The following RBFOX1 variants were observed in gnomAD, a reference collection of about 807,000 sequenced individuals.
The protein encoded by RBFOX1 is RNA binding fox-1 homolog 1.
A neutral mutation model predicts 57.7 loss-of-function variants in RBFOX1; 8 were observed. The ratio of observed to expected loss-of-function variants is 0.14; its 90% CI spans 0.08 to 0.25. RBFOX1 has a LOEUF of 0.25. Ranked by LOEUF, RBFOX1 falls within the 10% of genes least tolerant of loss-of-function variation. RBFOX1 has a pLI of 1.00. For missense variants in RBFOX1, 611 were observed against 548.5 expected (o/e 1.11, Z -1.14); for synonymous variants, 326 against 222.4 (o/e 1.47, Z -4.15).
chr16:5,740,012 G>T (rs1334184754), intron 3 of RBFOX1, among the ~76,000 whole-genome samples: 1 of 152,214 alleles, frequency 6.6e-6, no homozygotes, highest in Admixed American at 6.5e-5. Flanking sequence ...AGTGGGAGGG[G>T]TCCATGCTGC....
At position 6,822,996 on chromosome 16, in the gene RBFOX1, G is replaced by C. The variant is rs144990167; in HGVS notation, c.-16+168346G>C. 4.1e-3 allele frequency among the ~76,000 whole-genome samples: 628 copies of C among 152,280 alleles called. 8 individuals are homozygous for C. Among genetic ancestry groups the C allele is most frequent in the African/African-American group, 0.014 (583 of 41,576 alleles). ...ATCCCTAACAGCTTCTCAACGTGTA[G>C]ATACTTTGCTTAGTACTGTATGTGC... On this transcript the variant is annotated intron_variant, in intron 3 of 15. Coordinates refer to ENST00000550418, the MANE Select transcript of RBFOX1 (RefSeq NM_018723.4).
intron 4 of RBFOX1, among the ~76,000 whole-genome samples, chr16:5,910,158 T>A (rs2058571705): frequency 6.6e-6 from 1 of 152,180 alleles, no homozygotes; most frequent in Non-Finnish European, 1.5e-5. Flanking sequence ...TGGGGGTTTG[T>A]GAAGCCTTTT....
At chr16:6,865,477 C>A (rs187702438) in intron 3 of RBFOX1, among the ~76,000 whole-genome samples, 2 of 152,070 alleles carry the variant, frequency 1.3e-5, no homozygotes, top group African/African-American at 2.4e-5. Context: ...CACCCAGGCA[C>A]CTTCTTGTTT....
chr16:5,386,724 G>A (rs1454789525), intron 1 of RBFOX1, among the ~76,000 whole-genome samples: 2 of 152,132 alleles, frequency 1.3e-5, no homozygotes, highest in African/African-American at 4.8e-5. Context: ...AGCAGGAGTT[G>A]TTGCCTCTGT....
intron 4 of RBFOX1, among the ~76,000 whole-genome samples, chr16:7,313,484 T>TC (rs1315663149): frequency 6.6e-6 from 1 of 151,040 alleles, no homozygotes; most frequent in Non-Finnish European, 1.5e-5. Context: ...TCTTTTTTTT[T>TC]TTAAGGCTCT....
intron 2 of RBFOX1, among the ~76,000 whole-genome samples, chr16:5,598,509 A>T (rs1456272159): frequency 6.6e-6 from 1 of 152,200 alleles, no homozygotes; most frequent in Non-Finnish European, 1.5e-5. Context: ...ATATATTTAC[A>T]TTTTTAAACA....
At chr16:5,454,938 CCTTCCTTCCTTCCTTCCTTCCTTT>C (rs201334960) in intron 1 of RBFOX1, among the ~76,000 whole-genome samples, 1,303 of 48,456 alleles carry the variant, frequency 0.027, 14 homozygotes, top group Middle Eastern at 0.034. Context: ...TTCCTTCCTT[CCTTCCTTCCTTCCTTCCTTCCTTT>C]CTTTCTTTCT....
At chr16:5,984,976 ATTTTTTT>A (rs869160414) in intron 4 of RBFOX1, among the ~76,000 whole-genome samples, 19 of 55,702 alleles carry the variant, frequency 3.4e-4, no homozygotes, top group African/African-American at 1.6e-3. Context: ...ATATATATAT[ATTTTTTT>A]TTTTTTTTTT....
chr16:7,305,245 C>T (rs142601882), intron 4 of RBFOX1, among the ~76,000 whole-genome samples: 13 of 152,044 alleles, frequency 8.6e-5, no homozygotes, highest in African/African-American at 3.1e-4. Context: ...ACACCTTACT[C>T]TCTGTCTTTC....
chr16:6,785,049 C>T (rs1423872040), intron 3 of RBFOX1, among the ~76,000 whole-genome samples: 5 of 152,038 alleles, frequency 3.3e-5, no homozygotes, highest in South Asian at 2.1e-4. Flanking sequence ...AGGCATTTAA[C>T]ATAAAAGAGA....
chr16:6,116,933 C>G (rs890981051), intron 1 of RBFOX1, among the ~76,000 whole-genome samples: 2 of 151,980 alleles, frequency 1.3e-5, no homozygotes, highest in Admixed American at 6.6e-5. Context: ...GCTGGAGGCT[C>G]TACAGTAAAG....
In RBFOX1 at chr16:6,222,243, G is replaced by A. The variant is rs532511909; in HGVS notation, c.-126-94752G>A. On this transcript the variant is annotated intron_variant, in intron 1 of 15. Coordinates refer to ENST00000550418, the MANE Select transcript of RBFOX1 (RefSeq NM_018723.4). The stretch of plus-strand genomic sequence containing the variant: ...TCGTGGGTCTTTGGTATTCAGGTGT[G>A]GCAAATACTGTTAATTTGTAAATCA... Among the ~76,000 whole-genome samples the A allele has an allele frequency of 3.3e-5, 5 of 152,210 alleles. No individual in the cohort carries two copies. The South Asian group carries it at 1.0e-3, about 32-fold the overall frequency.
At chr16:7,425,006 G>C (rs1322026913) in intron 4 of RBFOX1, among the ~76,000 whole-genome samples, 1 of 152,044 alleles carries the variant, frequency 6.6e-6, no homozygotes, top group East Asian at 1.9e-4. Context: ...ATACAAGTTG[G>C]CATTATTATT....
At position 7,015,151 on chromosome 16, in the gene RBFOX1, T is replaced by C. The variant is rs530044187; in HGVS notation, c.-15-36906T>C. On this transcript the variant is annotated intron_variant, in intron 3 of 15. Transcript: ENST00000550418. Reference sequence around the variant, plus strand: ...AGTTCATGTTCTCTTTTTCCTTTCTTCTTAGTCACTCTCAGTAGTCTGGAT... The same window carrying C: ...AGTTCATGTTCTCTTTTTCCTTTCTCCTTAGTCACTCTCAGTAGTCTGGAT... Among the ~76,000 whole-genome samples the C allele has an allele frequency of 1.2e-4, 18 of 152,296 alleles. No individual in the cohort carries two copies. In the East Asian group the frequency reaches 3.5e-3, roughly 29 times the overall value.
At chr16:7,473,984 C>G (rs775513953) in intron 4 of RBFOX1, among the ~76,000 whole-genome samples, 15 of 152,126 alleles carry the variant, frequency 9.9e-5, no homozygotes, top group Non-Finnish European at 1.3e-4. Context: ...TCAATATTAT[C>G]TTTTCATTAA....
In RBFOX1 at chr16:6,048,208, A is replaced by G. The variant is rs913835162; in HGVS notation, c.-127+28216A>G. On this transcript the variant is annotated intron_variant, in intron 1 of 15. Transcript: ENST00000550418. ...TACATTTGTTGAAGCTGGCTCAGGA[A>G]GGATCCTTGGCCAGGGTCAGGCAGT... 1.3e-5 allele frequency among the ~76,000 whole-genome samples: 2 copies of G among 152,200 alleles called. 1 individual carries two copies. The highest frequency in any genetic ancestry group is 4.1e-4 in the South Asian group (2 of 4,830).
intron 4 of RBFOX1, among the ~76,000 whole-genome samples, chr16:7,099,493 C>G (rs1007378408): frequency 6.6e-6 from 1 of 152,178 alleles, no homozygotes; most frequent in African/African-American, 2.4e-5. Context: ...ATATTCTTCT[C>G]TTCTCCTATT....
At chr16:6,652,986 A>G (rs1178475323) in intron 2 of RBFOX1, among the ~76,000 whole-genome samples, 1 of 152,006 alleles carries the variant, frequency 6.6e-6, no homozygotes, top group Non-Finnish European at 1.5e-5. Context: ...TCTCCCTGTG[A>G]TCTCATTCCC....
At chr16:6,733,290 G>A (rs2069150301) in intron 3 of RBFOX1, among the ~76,000 whole-genome samples, 1 of 151,922 alleles carries the variant, frequency 6.6e-6, no homozygotes, top group Non-Finnish European at 1.5e-5. Flanking sequence ...ATATGACTTG[G>A]GATGATAGAA....
Sources: allele counts gnomAD v4.1 joint callset (sites outside exome capture counted in the v4.1 genomes callset), GRCh38; gene constraint gnomAD v4.1.1; transcripts MANE v1.5; gene names NCBI Gene and HGNC (gene_info 2026-07-23, HGNC 2026-07-21).